CDIN1: variants seen among roughly 807,000 people sequenced by gnomAD.
CDIN1 encodes CDAN1-interacting nuclease 1.
In CDIN1, 33 loss-of-function variants were observed where a neutral mutation model predicts 45.3. That is an observed-to-expected ratio of 0.73 (90% CI 0.55 to 0.97). CDIN1 has a LOEUF of 0.97. Among genes scored for constraint, CDIN1 ranks in the 50% least tolerant of loss-of-function variants. The pLI is 0.00. For synonymous variants in CDIN1, 118 were observed against 124.4 expected (o/e 0.95, Z 0.34); for missense variants, 303 against 339.4 (o/e 0.89, Z 0.84).
chr15:36,775,417 A>T (rs567320207), intron 10 of CDIN1, among the ~76,000 whole-genome samples: 119 of 152,302 alleles, frequency 7.8e-4, no homozygotes, highest in African/African-American at 2.6e-3. Context: ...CTCGGCTGGC[A>T]CGGACAAGGT....
At chr15:36,672,621 G>A (rs540269675) in intron 5 of CDIN1, among the ~76,000 whole-genome samples, 2 of 151,562 alleles carry the variant, frequency 1.3e-5, no homozygotes, top group Admixed American at 1.3e-4. Flanking sequence ...TGGTTGGGGT[G>A]GGGGGAGGTC....
At chr15:36,598,663 C>T (rs923259984) in intron 1 of CDIN1, among the ~76,000 whole-genome samples, 14 of 151,668 alleles carry the variant, frequency 9.2e-5, no homozygotes, top group African/African-American at 3.1e-4. Flanking sequence ...TAATCTATTT[C>T]CCTCCCTTCC....
chr15:36,796,740 C>A (rs549989682), intron 10 of CDIN1, among the ~76,000 whole-genome samples: 7 of 152,250 alleles, frequency 4.6e-5, no homozygotes, highest in Non-Finnish European at 8.8e-5. Context: ...ACTCCCTAAA[C>A]AGAGCATCCC....
At chr15:36,753,991 A>T (rs1046561586) in intron 10 of CDIN1, among the ~76,000 whole-genome samples, 11 of 152,176 alleles carry the variant, frequency 7.2e-5, no homozygotes, top group Admixed American at 7.2e-4. Flanking sequence ...TGCAAAGATG[A>T]TTACACTCAA....
At chr15:36,781,452 G>A (rs2054349983) in intron 10 of CDIN1, among the ~76,000 whole-genome samples, 1 of 152,166 alleles carries the variant, frequency 6.6e-6, no homozygotes, top group Admixed American at 6.5e-5. Flanking sequence ...CACACTTGGA[G>A]CCTGGGATTT....
chr15:36,655,552 C>G (rs1218812200), intron 4 of CDIN1, among the ~76,000 whole-genome samples: 1 of 152,114 alleles, frequency 6.6e-6, no homozygotes, highest in Non-Finnish European at 1.5e-5. Flanking sequence ...GTCTTGATCT[C>G]CTGACCTTGT....
intron 10 of CDIN1, among the ~76,000 whole-genome samples, chr15:36,800,895 GTGTGTGTGTGTGTGTA>G (rs2055002955): frequency 3.7e-5 from 1 of 27,326 alleles, no homozygotes; most frequent in African/African-American, 1.1e-4. Context: ...GTGTGTGTGT[GTGTGTGTGTGTGTGTA>G]TATATATATA....
intron 10 of CDIN1, among the ~76,000 whole-genome samples, chr15:36,803,001 C>G (rs1427343380): frequency 1.3e-5 from 2 of 151,992 alleles, no homozygotes; most frequent in Admixed American, 6.6e-5. Flanking sequence ...CTGTCCTCAA[C>G]ACCTGTTGAG....
intron 5 of CDIN1, among the ~76,000 whole-genome samples, chr15:36,690,331 C>T (rs1033216324): frequency 1.5e-4 from 22 of 151,252 alleles, no homozygotes; most frequent in Non-Finnish European, 2.9e-5. Context: ...TGCAGTGGCT[C>T]GATCACTGCT....
chr15:36,587,774 C>T (rs2037375474), intron 1 of CDIN1, among the ~76,000 whole-genome samples: 2 of 152,100 alleles, frequency 1.3e-5, no homozygotes, highest in Non-Finnish European at 2.9e-5. Context: ...TTATCTGAGT[C>T]ACAGTTGTCT....
chr15:36,580,529 C>G (rs1421794543), intron 1 of CDIN1, among the ~76,000 whole-genome samples: 1 of 152,236 alleles, frequency 6.6e-6, no homozygotes, highest in Non-Finnish European at 1.5e-5. Context: ...ACAACCAGAT[C>G]TAAAGTTTCT....
At chr15:36,601,418 A>G (rs1277734184) in intron 1 of CDIN1, among the ~76,000 whole-genome samples, 1 of 152,182 alleles carries the variant, frequency 6.6e-6, no homozygotes, top group African/African-American at 2.4e-5. Context: ...ACCCTTGACC[A>G]TGTCCAACAG....
intron 10 of CDIN1, among the ~76,000 whole-genome samples, chr15:36,764,808 C>T (rs1047245158): frequency 1.3e-5 from 2 of 152,140 alleles, no homozygotes; most frequent in Admixed American, 6.5e-5. Context: ...GCACATAAGC[C>T]GAAGTGTCCA....
At chr15:36,803,571 G>T (rs1300290863) in intron 10 of CDIN1, among the ~76,000 whole-genome samples, 2 of 152,088 alleles carry the variant, frequency 1.3e-5, no homozygotes, top group African/African-American at 2.4e-5. Context: ...TCACTATTTT[G>T]CAAGGCCGCT....
At chr15:36,701,125 GATA>G (rs2042623169) in intron 8 of CDIN1, among the ~76,000 whole-genome samples, 381 of 35,674 alleles carry the variant, frequency 0.011, 4 homozygotes, top group South Asian at 0.091. Flanking sequence ...TAGGTAGGTA[GATA>G]GATAGATAGA....
intron 1 of CDIN1, among the ~76,000 whole-genome samples, chr15:36,615,281 C>A (rs11858865): frequency 0.092 from 14,048 of 152,190 alleles, 742 homozygotes; most frequent in Middle Eastern, 0.13. Flanking sequence ...CTTTCCCTAC[C>A]CAGTGCCCAT....
At chr15:36,599,867 G>A (rs962388145) in intron 1 of CDIN1, among the ~76,000 whole-genome samples, 1 of 152,162 alleles carries the variant, frequency 6.6e-6, no homozygotes, top group Non-Finnish European at 1.5e-5. Context: ...AGAGGGAAAA[G>A]AATTTGACAC....
At chr15:36,652,496 G>A (rs1267081539) in intron 3 of CDIN1, among the ~76,000 whole-genome samples, 1 of 152,126 alleles carries the variant, frequency 6.6e-6, no homozygotes, top group East Asian at 1.9e-4. Context: ...TCCTTGGGTG[G>A]TATCAGTGCA....
chr15:36,642,376 G>C (rs940088646), intron 1 of CDIN1, among the ~76,000 whole-genome samples: 1 of 152,138 alleles, frequency 6.6e-6, no homozygotes, highest in Admixed American at 6.5e-5. Flanking sequence ...ACCCGAATCT[G>C]TCTTTCTGTT....
Sources: allele counts gnomAD v4.1 joint callset (sites outside exome capture counted in the v4.1 genomes callset), GRCh38; gene constraint gnomAD v4.1.1; transcripts MANE v1.5; gene names NCBI Gene and HGNC (gene_info 2026-07-23, HGNC 2026-07-21).